TECRL: variants seen among roughly 807,000 people sequenced by gnomAD.
TECRL encodes the protein trans-2,3-enoyl-CoA reductase like, also known as trans-2,3-enoyl-CoA reductase-like.
TECRL carries 63 observed loss-of-function variants against 52.8 expected under a neutral mutation model. The observed-to-expected ratio is 1.19, with a 90% confidence interval of 0.97 to 1.47. The LOEUF (loss-of-function observed/expected upper bound fraction) is 1.47. Ranked by LOEUF, TECRL falls within the 40% of genes most tolerant of loss-of-function variation. The probability of loss-of-function intolerance (pLI) is 0.00; values close to 1 mark genes in which losing one functional copy is unlikely to be tolerated. For missense variants in TECRL, 482 were observed against 429.6 expected (o/e 1.12, Z -1.08); for synonymous variants, 164 against 141.9 (o/e 1.16, Z -1.10).
rs75610722 is a variant in TECRL at position 64,316,100 on chromosome 4, T to C, written c.436-1337A>G. 7.5e-3 allele frequency among the ~76,000 whole-genome samples: 1,149 copies of C among 152,234 alleles called. 15 individuals carry two copies. Among genetic ancestry groups the C allele is most frequent in the African/African-American group, 0.026 (1,077 of 41,570 alleles). ...GTAATTGTTTTAGTACAATAAAATG[T>C]TTAAAATAGTTATTTCAACACCAAT... On this transcript the variant is annotated intron_variant, in intron 4 of 11. Transcript: ENST00000381210.
At chr4:64,325,086 C>T (rs1332228926) in intron 3 of TECRL, among the ~76,000 whole-genome samples, 3 of 152,166 alleles carry the variant, frequency 2.0e-5, no homozygotes, top group Admixed American at 6.6e-5. Flanking sequence ...ATTCACTGTG[C>T]TATTGCTGGC....
At chr4:64,327,714 G>A (rs183800411) in intron 3 of TECRL, among the ~76,000 whole-genome samples, 14 of 151,872 alleles carry the variant, frequency 9.2e-5, no homozygotes, top group South Asian at 4.1e-4. Context: ...GAAAACACTC[G>A]TAACAGTTTC....
intron 1 of TECRL, among the ~76,000 whole-genome samples, chr4:64,379,370 C>T (rs1474511654): frequency 6.6e-6 from 1 of 151,734 alleles, no homozygotes; most frequent in Admixed American, 6.6e-5. Context: ...AATAACTATA[C>T]ATATTTACGG....
chr4:64,332,103 G>A (rs1342506488), intron 2 of TECRL, among the ~76,000 whole-genome samples: 1 of 152,162 alleles, frequency 6.6e-6, no homozygotes, highest in African/African-American at 2.4e-5. Flanking sequence ...GCTGAGTCTA[G>A]CAACTACCCT....
At chr4:64,322,552 T>C in intron 4 of TECRL, 137 bp downstream of exon 4, 1 of 478,130 alleles carries the variant, frequency 2.1e-6, no homozygotes, top group South Asian at 8.6e-5. Context: ...CCACTCGTCA[T>C]AGTAAGAATA....
intron 2 of TECRL, among the ~76,000 whole-genome samples, chr4:64,362,783 G>A (rs892575179): frequency 9.2e-5 from 14 of 152,010 alleles, no homozygotes; most frequent in African/African-American, 3.4e-4. Context: ...AAAAACAAGT[G>A]TACAATCAAG....
At chr4:64,391,368 C>A (rs1384714) in intron 1 of TECRL, among the ~76,000 whole-genome samples, 37,905 of 151,644 alleles carry the variant, frequency 0.25, 4,881 homozygotes, top group Middle Eastern at 0.31. Context: ...CTTGTTTTCA[C>A]AGCTGCAGAC....
Position 64,404,682 on chromosome 4 carries a change from T to A in TECRL, c.234+4436A>T, listed in dbSNP as rs1266811902. Among the ~76,000 whole-genome samples, 3 of 152,084 alleles carry A rather than the reference T, an allele frequency of 2.0e-5. No individual in the cohort carries two copies. In the East Asian group the frequency reaches 5.8e-4, roughly 29 times the overall value. Reference sequence around the variant, plus strand: ...AGAACATGACTGTCTATTAATGAATTATACACTAACACAAAGTTAAATTAT... The same window carrying A: ...AGAACATGACTGTCTATTAATGAATAATACACTAACACAAAGTTAAATTAT... On this transcript the variant is annotated intron_variant, in intron 1 of 11. Coordinates refer to ENST00000381210, the MANE Select transcript of TECRL (RefSeq NM_001010874.5).
chr4:64,296,485 A>C (rs1157466607), intron 8 of TECRL, among the ~76,000 whole-genome samples: 1 of 151,836 alleles, frequency 6.6e-6, no homozygotes, highest in Non-Finnish European at 1.5e-5. Flanking sequence ...TAGGGAAAAT[A>C]GTTATTTTAA....
At chr4:64,364,845 A>G (rs751378086) in intron 2 of TECRL, among the ~76,000 whole-genome samples, 1 of 124,154 alleles carries the variant, frequency 8.1e-6, no homozygotes, top group Non-Finnish European at 1.7e-5. Context: ...AACTGGCACC[A>G]GTGCTACTAA....
intron 2 of TECRL, among the ~76,000 whole-genome samples, chr4:64,372,051 T>C (rs1407067533): frequency 6.6e-6 from 1 of 151,774 alleles, no homozygotes; most frequent in Non-Finnish European, 1.5e-5. Flanking sequence ...CTAATAATTC[T>C]TTATTTTTCA....
At chr4:64,400,173 A>G (rs1425791710) in intron 1 of TECRL, among the ~76,000 whole-genome samples, 1 of 152,210 alleles carries the variant, frequency 6.6e-6, no homozygotes, top group Non-Finnish European at 1.5e-5. Flanking sequence ...GAGACATGAT[A>G]TCAAAGGAGA....
At chr4:64,376,084 A>C (rs1454151732) in intron 1 of TECRL, among the ~76,000 whole-genome samples, 1 of 151,926 alleles carries the variant, frequency 6.6e-6, no homozygotes, top group Non-Finnish European at 1.5e-5. Context: ...AAAGGGTTAA[A>C]TAAAAAATGC....
At chr4:64,360,932 G>A (rs1341748108) in intron 2 of TECRL, among the ~76,000 whole-genome samples, 1 of 152,116 alleles carries the variant, frequency 6.6e-6, no homozygotes, top group African/African-American at 2.4e-5. Context: ...GCAGGAACAG[G>A]CACAGTGGAG....
intron 8 of TECRL, among the ~76,000 whole-genome samples, chr4:64,294,774 A>C (rs1577817555): frequency 6.6e-6 from 1 of 152,002 alleles, no homozygotes; most frequent in Non-Finnish European, 1.5e-5. Context: ...AATAATAGTA[A>C]TAATAATAAT....
At chr4:64,284,070 C>T (rs904957947) in intron 9 of TECRL, among the ~76,000 whole-genome samples, 16 of 151,986 alleles carry the variant, frequency 1.1e-4, no homozygotes, top group Non-Finnish European at 2.2e-4. Context: ...GGAGAATACA[C>T]ATGGGGTTGG....
intron 6 of TECRL, among the ~76,000 whole-genome samples, chr4:64,306,853 A>T (rs745689204): frequency 1.6e-4 from 24 of 152,220 alleles, no homozygotes; most frequent in Non-Finnish European, 2.6e-4. Flanking sequence ...AGGGATGCTC[A>T]CCAAGCCCCA....
intron 5 of TECRL, among the ~76,000 whole-genome samples, chr4:64,312,521 C>T (rs191932271): frequency 7.2e-5 from 11 of 152,094 alleles, no homozygotes; most frequent in East Asian, 5.8e-4. Context: ...AGGCACTTTG[C>T]GAGACTGAGG....
intron 3 of TECRL, among the ~76,000 whole-genome samples, chr4:64,324,101 G>T (rs1008985735): frequency 6.6e-6 from 1 of 151,866 alleles, no homozygotes; most frequent in African/African-American, 2.4e-5. Context: ...ATATAACAAA[G>T]GTTACTTAAA....
Sources: gnomAD v4.1 joint callset for allele counts (sites outside exome capture counted in the v4.1 genomes callset) on GRCh38, gnomAD v4.1.1 for gene constraint, MANE v1.5 for transcripts, NCBI Gene and HGNC (gene_info 2026-07-23, HGNC 2026-07-21) for gene names.